ATRNL1: variants seen among roughly 807,000 people sequenced by gnomAD.
The protein encoded by ATRNL1 is attractin-like protein 1.
A neutral mutation model predicts 182.7 loss-of-function variants in ATRNL1; 95 were observed. That is an observed-to-expected ratio of 0.52 (90% CI 0.44 to 0.62). The LOEUF is 0.62. Among genes scored for constraint, ATRNL1 ranks in the 20% least tolerant of loss-of-function variants. The pLI, the probability that ATRNL1 is intolerant of heterozygous loss-of-function variation, is 0.00. For synonymous variants in ATRNL1, 576 were observed against 568.3 expected (o/e 1.01, Z -0.19); for missense variants, 1,471 against 1,679.5 (o/e 0.88, Z 2.17).
intron 20 of ATRNL1, among the ~76,000 whole-genome samples, chr10:115,398,163 A>AG (rs1844378265): frequency 6.6e-6 from 1 of 151,922 alleles, no homozygotes; most frequent in Non-Finnish European, 1.5e-5. Context: ...GGTAAAAAAA[A>AG]TGAACATTTT....
intron 28 of ATRNL1, among the ~76,000 whole-genome samples, chr10:115,913,948 C>G (rs1349833726): frequency 6.6e-6 from 1 of 152,048 alleles, no homozygotes; most frequent in East Asian, 1.9e-4. Context: ...GCCCTGTGTC[C>G]CCACCCAAAT....
chr10:115,320,536 T>C (rs1564911049), intron 18 of ATRNL1, among the ~76,000 whole-genome samples: 1 of 152,182 alleles, frequency 6.6e-6, no homozygotes, highest in Non-Finnish European at 1.5e-5. Context: ...CTCCAATCAA[T>C]TGCAAGTTTG....
At chr10:115,637,093 A>G (rs1555028451) in intron 26 of ATRNL1, among the ~76,000 whole-genome samples, 1 of 152,230 alleles carries the variant, frequency 6.6e-6, no homozygotes, top group Non-Finnish European at 1.5e-5. Context: ...CTCAATACCT[A>G]GTGGTCTTAA....
intron 19 of ATRNL1, among the ~76,000 whole-genome samples, chr10:115,354,054 C>T (rs1856391215): frequency 6.6e-6 from 1 of 152,104 alleles, no homozygotes; most frequent in African/African-American, 2.4e-5. Context: ...TTGTCTAACC[C>T]GCAGCTTGTG....
At chr10:115,723,513 G>T (rs897371674) in intron 26 of ATRNL1, among the ~76,000 whole-genome samples, 1 of 136,302 alleles carries the variant, frequency 7.3e-6, no homozygotes, top group African/African-American at 2.6e-5. Flanking sequence ...TCAAATTTAA[G>T]CGTAGATATT....
intron 8 of ATRNL1, among the ~76,000 whole-genome samples, chr10:115,210,050 A>G (rs1554894650): frequency 6.6e-6 from 1 of 152,014 alleles, no homozygotes; most frequent in East Asian, 1.9e-4. Context: ...GTTTTTTTAA[A>G]AAAGTTTATC....
intron 19 of ATRNL1, among the ~76,000 whole-genome samples, chr10:115,367,077 T>C (rs1403099860): frequency 1.7e-5 from 2 of 114,626 alleles, no homozygotes; most frequent in East Asian, 4.1e-4. Context: ...CCTTGCTAGA[T>C]TGGGGAAGTT....
At chr10:115,335,358 T>C (rs1056841898) in intron 19 of ATRNL1, among the ~76,000 whole-genome samples, 1 of 152,170 alleles carries the variant, frequency 6.6e-6, no homozygotes, top group East Asian at 1.9e-4. Flanking sequence ...TTAGATAATT[T>C]TTTTTTAACA....
intron 1 of ATRNL1, among the ~76,000 whole-genome samples, chr10:115,094,632 TC>T (rs1449722260): frequency 5.3e-5 from 8 of 152,186 alleles, no homozygotes; most frequent in Admixed American, 2.0e-4. Flanking sequence ...TCTCATTTAT[TC>T]CCTACAACAA....
intron 19 of ATRNL1, among the ~76,000 whole-genome samples, chr10:115,382,841 TGA>T (rs1858101855): frequency 6.6e-6 from 1 of 151,912 alleles, no homozygotes; most frequent in South Asian, 2.1e-4. Context: ...ATGTTAGATG[TGA>T]GTTTTTAAAA....
intron 27 of ATRNL1, among the ~76,000 whole-genome samples, chr10:115,781,126 G>C (rs561161990): frequency 6.6e-6 from 1 of 152,258 alleles, no homozygotes; most frequent in East Asian, 1.9e-4. Flanking sequence ...TTAGTCATCA[G>C]AGAAAAACAA....
Position 115,884,924 on chromosome 10 carries a change from C to G in ATRNL1, c.4018+36933C>G, listed in dbSNP as rs1555109405. Reference sequence around the variant, plus strand: ...AGGTCTGCAGCTTTTTGTAACATTCCTCAGTAACTGCATAGGACTTCCTTA... The same window carrying G: ...AGGTCTGCAGCTTTTTGTAACATTCGTCAGTAACTGCATAGGACTTCCTTA... On this transcript the variant is annotated intron_variant, in intron 28 of 28. Transcript: ENST00000355044. 2.0e-5 allele frequency among the ~76,000 whole-genome samples: 3 copies of G among 152,284 alleles called. No individual in the cohort carries two copies. In the East Asian group the frequency reaches 5.8e-4, roughly 29 times the overall value.
At chr10:115,758,908 T>A (rs1471536496) in intron 27 of ATRNL1, among the ~76,000 whole-genome samples, 1 of 152,268 alleles carries the variant, frequency 6.6e-6, no homozygotes, top group Non-Finnish European at 1.5e-5. Context: ...TTAGCTTATT[T>A]TTGTACTTTA....
chr10:115,459,748 C>T (rs1172350444), intron 21 of ATRNL1, among the ~76,000 whole-genome samples: 4 of 152,068 alleles, frequency 2.6e-5, no homozygotes, highest in Admixed American at 6.6e-5. Flanking sequence ...CACACCTATT[C>T]GTATACTCCC....
chr10:115,788,282 G>C (rs1369591830), intron 27 of ATRNL1, among the ~76,000 whole-genome samples: 6 of 152,156 alleles, frequency 3.9e-5, no homozygotes, highest in African/African-American at 1.4e-4. Context: ...CCATAGAATA[G>C]ATTTTTAAAT....
Position 115,633,115 on chromosome 10 carries a change from T to C in ATRNL1, c.3795+83579T>C, listed in dbSNP as rs142991944. Among the ~76,000 whole-genome samples the C allele has an allele frequency of 9.6e-3, 1,458 of 152,218 alleles. 24 individuals carry two copies. Among genetic ancestry groups the C allele is most frequent in the African/African-American group, 0.033 (1,378 of 41,548 alleles). On this transcript the variant is annotated intron_variant, in intron 26 of 28. Transcript: ENST00000355044. ...TAGTAGAGACAGGGTTTTACCATGTTGGCCAGGCTGGCCTCGAACTCCTCA... is the reference window on the plus strand; with the variant it reads ...TAGTAGAGACAGGGTTTTACCATGTCGGCCAGGCTGGCCTCGAACTCCTCA...
intron 25 of ATRNL1, among the ~76,000 whole-genome samples, chr10:115,543,992 A>C (rs1184011490): frequency 2.0e-5 from 3 of 152,034 alleles, no homozygotes; most frequent in Admixed American, 1.3e-4. Flanking sequence ...TTATTATCGT[A>C]CAGCATATTT....
chr10:115,728,111 TAAAAAAAAAAAAAAAAGAAAAAAA>T lies in ATRNL1; in HGVS notation c.3903+767_3903+790del, dbSNP rs1182640717. 6.8e-5 allele frequency among the ~76,000 whole-genome samples: 3 copies of T among 44,370 alleles called. No homozygotes were observed. In the Admixed American group the frequency reaches 8.8e-4, roughly 13 times the overall value. 29.1% of individuals were successfully genotyped at this position (44,370 alleles called of 152,430 possible). A position where few individuals can be genotyped will look rare whatever the true frequency, so the allele number is the denominator to read the frequency against. ...TAACATGGTGAAACCCCGTCTCTACTAAAAAAAAAAAAAAAAGAAAAAAAAAAAAAAAAATTAGCCGGGCGTGGT... is the reference window on the plus strand; with the variant it reads ...TAACATGGTGAAACCCCGTCTCTACTAAAAAAAAAATTAGCCGGGCGTGGT... On this transcript the variant is annotated intron_variant, in intron 27 of 28. Coordinates refer to ENST00000355044, the MANE Select transcript of ATRNL1 (RefSeq NM_207303.4).
At chr10:115,942,885 G>T (rs1589724084) in intron 28 of ATRNL1, among the ~76,000 whole-genome samples, 2 of 152,186 alleles carry the variant, frequency 1.3e-5, no homozygotes, top group South Asian at 4.1e-4. Flanking sequence ...CTCATATGTA[G>T]CTATGATAAG....
Sources: allele counts gnomAD v4.1 joint callset (sites outside exome capture counted in the v4.1 genomes callset), GRCh38; gene constraint gnomAD v4.1.1; transcripts MANE v1.5; gene names NCBI Gene and HGNC (gene_info 2026-07-23, HGNC 2026-07-21).